SUPT20H: variants seen among roughly 807,000 people sequenced by gnomAD.
SUPT20H encodes the protein SPT20 homolog, SAGA complex component.
SUPT20H carries 82 observed loss-of-function variants against 122.8 expected under a neutral mutation model. The observed-to-expected ratio is 0.67, with a 90% CI of 0.56 to 0.80. The LOEUF (loss-of-function observed/expected upper bound fraction) is 0.80. Ranked by LOEUF, SUPT20H falls within the 30% of genes least tolerant of loss-of-function variation. SUPT20H has a pLI of 0.00. For missense variants in SUPT20H, 831 were observed against 921.6 expected (o/e 0.90, Z 1.27); for synonymous variants, 291 against 313.0 (o/e 0.93, Z 0.74).
chr13:37,053,550 C>T (rs1243369877), intron 1 of SUPT20H, among the ~76,000 whole-genome samples: 1 of 151,946 alleles, frequency 6.6e-6, no homozygotes, highest in Non-Finnish European at 1.5e-5. Flanking sequence ...GGATGGAGAG[C>T]ATTAGGACAA....
Position 37,021,470 on chromosome 13 carries a change from T to G in SUPT20H, c.1794A>C (p.Ala598=), listed in dbSNP as rs751545517. The G allele has an allele frequency of 1.2e-6, 2 of 1,611,444 alleles. No homozygotes were observed. Among genetic ancestry groups the G allele is most frequent in the Admixed American group, 1.7e-5 (1 of 59,590 alleles). ...GACCTGCTTGAGAAGCTGCCTGCAT[T>G]GCACTGGGCAGTGCATTTGGTAGCA... ...GGLLPNALPS[A]MQAASQAGVP... Residue 598 remains alanine, a synonymous_variant, in exon 21 of 26, where the codon GCA becomes GCC. Coordinates refer to ENST00000350612, the MANE Select transcript of SUPT20H (RefSeq NM_001014286.3).
rs59070662 is a variant in SUPT20H at position 37,044,881 on chromosome 13, T to C, written c.292+366A>G. On this transcript the variant is annotated intron_variant, in intron 6 of 25. Transcript: ENST00000350612. ...AAACACGGTATGCTATCTTAAAATATAAATAGCAATAGAATGAAAGGAAAT... is the reference window on the plus strand; with the variant it reads ...AAACACGGTATGCTATCTTAAAATACAAATAGCAATAGAATGAAAGGAAAT... 5.8e-4 allele frequency among the ~76,000 whole-genome samples: 88 copies of C among 152,292 alleles called. 1 individual carries two copies. The East Asian group carries it at 0.016, about 28-fold the overall frequency.
At position 37,040,575 on chromosome 13, in the gene SUPT20H, C is replaced by A. The variant is rs200854445; in HGVS notation, c.513+1G>T. The stretch of plus-strand genomic sequence containing the variant: ...AGTATTTCTTAATTAAACATCCTTA[C>A]CTGCATTGTTGGACGTAAGAGAATG... On this transcript the variant is annotated splice_donor_variant, in intron 8 of 25. Transcript: ENST00000350612. LOFTEE classifies it high-confidence loss of function. 1.6e-5 allele frequency: 25 copies of A among 1,612,866 alleles called. No homozygotes were observed. Among genetic ancestry groups the A allele is most frequent in the Non-Finnish European group, 2.0e-5 (23 of 1,179,250 alleles).
At position 37,009,600 on chromosome 13, in the gene SUPT20H, A is replaced by G. The variant is rs2138869230; in HGVS notation, c.*72T>C. 1.3e-6 allele frequency: 2 copies of G among 1,586,252 alleles called. No individual in the cohort carries two copies. The highest frequency in any genetic ancestry group is 4.5e-5 in the East Asian group (2 of 44,702). On this transcript the variant is annotated 3_prime_UTR_variant, in exon 26 of 26. Coordinates refer to ENST00000350612, the MANE Select transcript of SUPT20H (RefSeq NM_001014286.3). ...AATACTGACACATTAAAAAAAACAA[A>G]AAGTAGAAACTCAATTCTTTTGATT...
At position 37,040,609 on chromosome 13, in the gene SUPT20H, TTGGTAACCAGGAGATTTCATGTTA is replaced by T; in HGVS notation, c.456_479del (p.Ser152_Gln160delinsArg). On this transcript the variant is annotated inframe_deletion, in exon 8 of 26. Coordinates refer to ENST00000350612, the MANE Select transcript of SUPT20H (RefSeq NM_001014286.3). The stretch of plus-strand genomic sequence containing the variant: ...TTGGACGTAAGAGAATGTGCCGACT[TTGGTAACCAGGAGATTTCATGTTA>T]CTGGACTGCCTGTAGTCACGTATTT... 1 of 1,614,124 alleles carries T rather than the reference TTGGTAACCAGGAGATTTCATGTTA, an allele frequency of 6.2e-7. No homozygotes were observed.
At chr13:37,023,435 C>T (rs2061687146) in intron 19 of SUPT20H, 1 of 152,764 alleles carries the variant, frequency 6.5e-6, no homozygotes, top group Non-Finnish European at 1.5e-5. Flanking sequence ...TATAACTCTT[C>T]TTGATGTTAA....
chr13:37,048,651 A>T, intron 2 of SUPT20H, 52 bp from the exon 3 acceptor site: 3 of 1,489,710 alleles, frequency 2.0e-6, no homozygotes, highest in Non-Finnish European at 2.7e-6. Flanking sequence ...CCACAAAAAA[A>T]TTTAATATAC....
chr13:37,035,483 T>G (rs943640257), intron 9 of SUPT20H, among the ~76,000 whole-genome samples: 1 of 151,766 alleles, frequency 6.6e-6, no homozygotes, highest in African/African-American at 2.4e-5. Flanking sequence ...ATGATCAAAC[T>G]TGAATGGATG....
intron 12 of SUPT20H, 144 bp from the exon 13 acceptor site, chr13:37,029,980 T>A: frequency 1.7e-6 from 1 of 580,600 alleles, no homozygotes; most frequent in Non-Finnish European, 2.8e-6. Context: ...ATTACCGGTA[T>A]CAACTACTTA....
chr13:37,029,713 G>T, intron 13 of SUPT20H, 52 bp downstream of exon 13: 2 of 1,495,136 alleles, frequency 1.3e-6, no homozygotes, highest in Non-Finnish European at 1.8e-6. Flanking sequence ...AAATTCAGAG[G>T]CCAGATTAGA....
intron 22 of SUPT20H, among the ~76,000 whole-genome samples, 167 bp downstream of exon 22, chr13:37,019,175 C>CT (rs759989759): frequency 1.3e-4 from 20 of 152,158 alleles, no homozygotes; most frequent in Non-Finnish European, 2.5e-4. Flanking sequence ...GATACTGATT[C>CT]TTTCTCTTTA....
In SUPT20H at chr13:37,028,202, T is replaced by C. The variant is rs778270329; in HGVS notation, c.1097A>G (p.Lys366Arg). The change falls in exon 14 of 26, where the codon AAA becomes AGA. Residue 366 changes from lysine to arginine, a missense_variant. Coordinates refer to ENST00000350612, the MANE Select transcript of SUPT20H (RefSeq NM_001014286.3). ...TTCATCTGCTTTACATGGCTGTATT[T>C]TACCATAGTAAAGTGGATCTCCAAG... The part of the protein sequence containing the change: ...QSLGDPLYYG[K>R]IQPCKADEES... The C allele has an allele frequency of 1.9e-6, 3 of 1,613,676 alleles. No homozygotes were observed. Among genetic ancestry groups the C allele is most frequent in the Non-Finnish European group, 2.5e-6 (3 of 1,179,814 alleles).
At chr13:37,033,310 G>C (rs1180674797) in intron 10 of SUPT20H, 139 bp downstream of exon 10, 1 of 1,038,234 alleles carries the variant, frequency 9.6e-7, no homozygotes, top group Non-Finnish European at 1.3e-6. Flanking sequence ...AGACTAGCCT[G>C]GGCAACAAAG....
intron 1 of SUPT20H, among the ~76,000 whole-genome samples, chr13:37,053,140 A>G (rs2068110309): frequency 6.6e-6 from 1 of 152,188 alleles, no homozygotes; most frequent in African/African-American, 2.4e-5. Context: ...AACCAGAAAT[A>G]CTGTTTGACC....
intron 7 of SUPT20H, among the ~76,000 whole-genome samples, chr13:37,042,383 T>C (rs2065640770): frequency 6.6e-6 from 1 of 152,092 alleles, no homozygotes; most frequent in Non-Finnish European, 1.5e-5. Context: ...TAAGTAACAT[T>C]TTAAAAACCC....
chr13:37,043,119 A>G (rs1288348671), intron 7 of SUPT20H, among the ~76,000 whole-genome samples: 1 of 152,170 alleles, frequency 6.6e-6, no homozygotes, highest in Non-Finnish European at 1.5e-5. Context: ...AGAGAAATAG[A>G]AAAAAAGAGA....
In SUPT20H at chr13:37,025,431, G is replaced by A. The variant is rs768196769; in HGVS notation, c.1218C>T (p.Val406=). ...TCTGGACTAATTCTTGGTACTGATTGACTACCCTAAAATATCAGGAGAAAA... is the reference window on the plus strand; with the variant it reads ...TCTGGACTAATTCTTGGTACTGATTAACTACCCTAAAATATCAGGAGAAAA... ...IGSKTDAERV[V]NQYQELVQNE... is the part of the protein sequence containing the mutation. Residue 406 remains valine (V), a synonymous_variant, in exon 17 of 26, where the codon GTC becomes GTT. Coordinates refer to ENST00000350612, the MANE Select transcript of SUPT20H (RefSeq NM_001014286.3). 5 of 1,610,382 alleles carry A rather than the reference G, an allele frequency of 3.1e-6. No individual in the cohort carries two copies. Among genetic ancestry groups the A allele is most frequent in the Non-Finnish European group, 4.2e-6 (5 of 1,177,050 alleles).
Position 37,010,595 on chromosome 13 carries a change from A to C in SUPT20H, c.2159T>G (p.Phe720Cys), listed in dbSNP as rs151137086. 4.3e-4 allele frequency: 702 copies of C among 1,613,964 alleles called. No homozygotes were observed. Among genetic ancestry groups the C allele is most frequent in the Admixed American group, 1.2e-3 (69 of 59,992 alleles). The change falls in exon 25 of 26, where the codon TTC becomes TGC. Residue 720 changes from phenylalanine (F) to cysteine (C), a missense_variant. Transcript: ENST00000350612. ...RPEQSLPQQR[F>C]QLSSAFQQQQ... The stretch of plus-strand genomic sequence containing the variant: ...CTGTTGAAAGGCAGAGGAGAGCTGG[A>C]ATCTCTGCTGAGGAAGGCTTTGCTC...
At chr13:37,016,218 C>G (rs945081308) in intron 23 of SUPT20H, among the ~76,000 whole-genome samples, 1 of 151,832 alleles carries the variant, frequency 6.6e-6, no homozygotes, top group African/African-American at 2.4e-5. Context: ...ATCACGAGGT[C>G]AGGAGATCAA....
Sources: allele counts gnomAD v4.1 joint callset (sites outside exome capture counted in the v4.1 genomes callset), GRCh38; gene constraint gnomAD v4.1.1; transcripts MANE v1.5; gene names NCBI Gene and HGNC (gene_info 2026-07-23, HGNC 2026-07-21).